CPNE7: variants seen among roughly 807,000 people sequenced by gnomAD.
The protein encoded by CPNE7 is copine 7.
In CPNE7, 78 loss-of-function variants were observed where a neutral mutation model predicts 66.5. That is an observed-to-expected ratio of 1.17 (90% CI 0.98 to 1.42). CPNE7 has a LOEUF of 1.42. CPNE7 is among the 40% of genes most tolerant of loss of function. CPNE7 has a pLI of 0.00. For missense variants in CPNE7, 1,012 were observed against 776.6 expected (o/e 1.30, Z -3.60); for synonymous variants, 468 against 336.7 (o/e 1.39, Z -4.27).
chr16:89,590,972 C>T (rs763341146), intron 11 of CPNE7, 35 bp from the exon 12 acceptor site: 17 of 1,612,228 alleles, frequency 1.1e-5, no homozygotes, highest in Admixed American at 8.3e-5. Context: ...TGTGTTGCAA[C>T]GAGCAGCTGA....
chr16:89,588,835 C>G, intron 10 of CPNE7, 27 bp downstream of exon 10: 1 of 1,608,742 alleles, frequency 6.2e-7, no homozygotes, highest in Non-Finnish European at 8.5e-7. Context: ...CCCCTCACCC[C>G]CTGGTCTCCA....
intron 9 of CPNE7, chr16:89,587,406 C>A: frequency 3.1e-6 from 1 of 322,254 alleles, no homozygotes; most frequent in African/African-American, 2.6e-5. Flanking sequence ...TGGCGGTTCC[C>A]CGTGAGCCGA....
At chr16:89,591,503 C>T (rs917654579) in intron 13 of CPNE7, among the ~76,000 whole-genome samples, 6 of 152,166 alleles carry the variant, frequency 3.9e-5, no homozygotes, top group Non-Finnish European at 8.8e-5. Flanking sequence ...GCGAGGCTGC[C>T]CCTCTCCTCT....
intron 2 of CPNE7, among the ~76,000 whole-genome samples, chr16:89,581,448 A>G (rs570337949): frequency 6.6e-6 from 1 of 152,324 alleles, no homozygotes; most frequent in East Asian, 1.9e-4. Context: ...TTCCACGTCC[A>G]TGAATCACAG....
chr16:89,589,410 G>A (rs1332817311), intron 10 of CPNE7, among the ~76,000 whole-genome samples: 1 of 152,246 alleles, frequency 6.6e-6, no homozygotes, highest in Non-Finnish European at 1.5e-5. Flanking sequence ...GCAAACCGAA[G>A]TCACAGAGGC....
chr16:89,583,946 A>C, intron 3 of CPNE7, 82 bp from the exon 4 acceptor site: 1 of 1,550,890 alleles, frequency 6.4e-7, no homozygotes, highest in Non-Finnish European at 8.8e-7. Flanking sequence ...GGGTGGGGTC[A>C]GCCAGCCTGG....
chr16:89,594,642 CTTTTTTTTTTTTTTTTTTT>C (rs57032352), intron 13 of CPNE7, among the ~76,000 whole-genome samples: 1 of 86,894 alleles, frequency 1.2e-5, no homozygotes, highest in Non-Finnish European at 2.2e-5. Flanking sequence ...TCCATTCTGC[CTTTTTTTTTTTTTTTTTTT>C]TTTTTTTTTT....
chr16:89,583,869 A>T (rs2058994163), intron 3 of CPNE7, 98 bp downstream of exon 3: 2 of 1,472,944 alleles, frequency 1.4e-6, no homozygotes, highest in African/African-American at 1.4e-5. Context: ...CCGTCCAGGG[A>T]GGGTCTGCAG....
In CPNE7 at chr16:89,596,714, C is replaced by A; in HGVS notation, c.*93C>A. On this transcript the variant is annotated 3_prime_UTR_variant, in exon 15 of 15. Coordinates refer to ENST00000319518, the MANE Select transcript of CPNE7 (RefSeq NM_153636.3). ...TGGGGTCCCTTAAGCTCCCTCCGAC[C>A]TCCCAGAAGCCTCCAGTCCCCACCA... is the stretch of plus-strand genomic sequence containing the variant. 7.4e-7 allele frequency: 1 copy of A among 1,351,584 alleles called. No homozygotes were observed. The highest frequency in any genetic ancestry group is 9.6e-7 in the Non-Finnish European group (1 of 1,039,620). 83.7% of individuals were successfully genotyped at this position (1,351,584 alleles called of 1,614,324 possible).
intron 14 of CPNE7, chr16:89,595,933 C>G (rs1414160505): frequency 5.6e-6 from 3 of 535,488 alleles, no homozygotes; most frequent in Non-Finnish European, 1.1e-5. Context: ...ACGTGAGGTT[C>G]TACCCGCCGA....
chr16:89,577,415 G>A (rs2058876945), intron 1 of CPNE7, 124 bp from the exon 2 acceptor site: 2 of 983,090 alleles, frequency 2.0e-6, no homozygotes, highest in Admixed American at 2.5e-5. Flanking sequence ...CAGGCAGGAG[G>A]TCTTCCCAGG....
rs1184703732 is a variant in CPNE7, at chr16:89,595,421, A to T, written c.1357A>T (p.Thr453Ser). 1 of 1,605,400 alleles carries T rather than the reference A, an allele frequency of 6.2e-7. No homozygotes were observed. The highest frequency in any genetic ancestry group is 1.1e-5 in the South Asian group (1 of 90,680). The change falls in exon 14 of 15, where the codon ACA becomes TCA. Residue 453 changes from threonine to serine, a missense_variant. By Grantham distance (58) the Thr-to-Ser change is moderately conservative (BLOSUM62 1). Coordinates refer to ENST00000319518, the MANE Select transcript of CPNE7 (RefSeq NM_153636.3). Reference sequence around the variant, plus strand: ...CGGCGTGGTGACCGACATGGCCGACACACGGGAGGCCATTGTGCGTGCCTC... The same window carrying T: ...CGGCGTGGTGACCGACATGGCCGACTCACGGGAGGCCATTGTGCGTGCCTC... ...TDGVVTDMAD[T>S]REAIVRASRL...
At position 89,591,206 on chromosome 16, in the gene CPNE7, C is replaced by T. The variant is rs925347005; in HGVS notation, c.1248C>T (p.Ile416=). Residue 416 remains isoleucine (I), a synonymous_variant, in exon 13 of 15, where the codon ATC becomes ATT. Coordinates refer to ENST00000319518, the MANE Select transcript of CPNE7 (RefSeq NM_153636.3). ...QLYGPTNVAP[I]ISKVARVAAA... ...ACGGCCCCACCAACGTGGCGCCCATCATCTCCAAGGTGGCACGCGTGGCGG... is the reference window on the plus strand; with the variant it reads ...ACGGCCCCACCAACGTGGCGCCCATTATCTCCAAGGTGGCACGCGTGGCGG... 52 of 1,596,708 alleles carry T rather than the reference C, an allele frequency of 3.3e-5. No homozygotes were observed. The highest frequency in any genetic ancestry group is 4.4e-5 in the Non-Finnish European group (52 of 1,171,816).
intron 1 of CPNE7, 38 bp from the exon 2 acceptor site, chr16:89,577,501 G>A (rs1467764970): frequency 1.3e-6 from 2 of 1,545,512 alleles, no homozygotes; most frequent in African/African-American, 1.4e-5. Context: ...CGGGGTGGAA[G>A]CCTCTGGAGT....
At chr16:89,595,694 G>A in intron 14 of CPNE7, 91 bp downstream of exon 14, 1 of 1,155,368 alleles carries the variant, frequency 8.7e-7, no homozygotes, top group Non-Finnish European at 1.3e-6. Context: ...GCTCACGCCA[G>A]TGGATGTGGC....
intron 13 of CPNE7, among the ~76,000 whole-genome samples, chr16:89,591,495 G>A (rs530943830): frequency 6.6e-6 from 1 of 152,316 alleles, no homozygotes; most frequent in East Asian, 1.9e-4. Context: ...TGGCTGCAGC[G>A]AGGCTGCCCC....
chr16:89,595,640 G>A, intron 14 of CPNE7, 37 bp downstream of exon 14: 1 of 1,551,348 alleles, frequency 6.4e-7, no homozygotes, highest in African/African-American at 1.4e-5. Flanking sequence ...AGGCCGGCTT[G>A]GGGGTCCCTG....
At chr16:89,583,955 G>C in intron 3 of CPNE7, 73 bp from the exon 4 acceptor site, 7 of 1,565,694 alleles carry the variant, frequency 4.5e-6, no homozygotes, top group Non-Finnish European at 6.1e-6. Context: ...CAGCCAGCCT[G>C]GGGCCTCTGG....
At position 89,591,211 on chromosome 16, in the gene CPNE7, C is replaced by T; in HGVS notation, c.1253C>T (p.Ser418Phe). ...YGPTNVAPII[S>F]KVARVAAAEE... Reference sequence around the variant, plus strand: ...CCCACCAACGTGGCGCCCATCATCTCCAAGGTGGCACGCGTGGCGGCGGCC... The same window carrying T: ...CCCACCAACGTGGCGCCCATCATCTTCAAGGTGGCACGCGTGGCGGCGGCC... The change falls in exon 13 of 15, where the codon TCC becomes TTC. Residue 418 changes from serine to phenylalanine, a missense_variant. By Grantham distance (155) the Ser-to-Phe change is radical (BLOSUM62 -2). Transcript: ENST00000319518. 6.3e-7 allele frequency: 1 copy of T among 1,595,672 alleles called. No homozygotes were observed.
Sources: allele counts gnomAD v4.1 joint callset (sites outside exome capture counted in the v4.1 genomes callset), GRCh38; gene constraint gnomAD v4.1.1; transcripts MANE v1.5; gene names NCBI Gene and HGNC (gene_info 2026-07-23, HGNC 2026-07-21).